The following PDCD11 variants were observed in gnomAD, a reference collection of about 807,000 sequenced individuals.
PDCD11 encodes programmed cell death 11, also known as protein RRP5 homolog.
PDCD11 carries 97 observed loss-of-function variants against 198.9 expected under a neutral mutation model. The observed-to-expected ratio is 0.49, with a 90% CI of 0.41 to 0.58. PDCD11 has a LOEUF of 0.58. PDCD11 is among the 20% of genes least tolerant of loss of function. PDCD11 has a pLI of 0.00. For synonymous variants in PDCD11, 893 were observed against 918.0 expected (o/e 0.97, Z 0.49); for missense variants, 2,102 against 2,312.7 (o/e 0.91, Z 1.87).
intron 31 of PDCD11, 24 bp from the exon 32 acceptor site, chr10:103,442,189 C>T (rs768595609): frequency 1.4e-5 from 22 of 1,611,796 alleles, no homozygotes; most frequent in African/African-American, 4.0e-5. Context: ...AGATGACTCA[C>T]GGTGTTTCTG....
At chr10:103,429,733 G>C (rs1418820065) in intron 21 of PDCD11, among the ~76,000 whole-genome samples, 1 of 152,064 alleles carries the variant, frequency 6.6e-6, no homozygotes, top group Non-Finnish European at 1.5e-5. Context: ...ATGTTATACA[G>C]CAAATCTCTA....
rs566312160 is a variant in PDCD11, at chr10:103,439,099, G to A, written c.4025+291G>A. Among the ~76,000 whole-genome samples the A allele has an allele frequency of 7.2e-5, 11 of 152,290 alleles. No individual in the cohort carries two copies. The South Asian group carries it at 2.3e-3, about 32-fold the overall frequency. ...TGCCTGGAATCCTAGCGCTTTGAGA[G>A]GCCGAGATGAGAGAATTGCTTTGAA... On this transcript the variant is annotated intron_variant, in intron 27 of 35. Transcript: ENST00000369797.
chr10:103,440,362 T>C lies in PDCD11; in HGVS notation c.4221T>C (p.Ser1407=). 1 of 1,614,210 alleles carries C rather than the reference T, an allele frequency of 6.2e-7. No individual in the cohort carries two copies. The highest frequency in any genetic ancestry group is 8.5e-7 in the Non-Finnish European group (1 of 1,180,028). Residue 1407 remains serine, a synonymous_variant, in exon 29 of 36, where the codon TCT becomes TCC. Coordinates refer to ENST00000369797, the MANE Select transcript of PDCD11 (RefSeq NM_014976.2). ...ACACTGGGAAGCCAGACGTGCTTTC[T>C]GCTTCCTTGGAAGGGCAACTTACAA... ...PGDTGKPDVL[S]ASLEGQLTKQ... is the part of the protein sequence containing the mutation.
At chr10:103,400,311 G>A in intron 2 of PDCD11, 86 bp from the exon 3 acceptor site, 1 of 1,239,532 alleles carries the variant, frequency 8.1e-7, no homozygotes, top group Non-Finnish European at 1.1e-6. Flanking sequence ...ACAAAGCAAG[G>A]TGAGTGATGA....
intron 8 of PDCD11, among the ~76,000 whole-genome samples, chr10:103,412,602 T>G (rs2030867358): frequency 6.6e-6 from 1 of 152,186 alleles, no homozygotes; most frequent in Non-Finnish European, 1.5e-5. Flanking sequence ...GCTGGGATTA[T>G]AGGCATCAGC....
chr10:103,420,459 C>T (rs565264323), intron 16 of PDCD11, among the ~76,000 whole-genome samples: 13 of 152,246 alleles, frequency 8.5e-5, no homozygotes, highest in African/African-American at 2.4e-4. Context: ...GAGTCCTGCA[C>T]TTTCAGATGG....
rs184190454 is a variant in PDCD11 at position 103,416,748 on chromosome 10, C to G, written c.1770+6C>G. ...GAGTTTTTTACACTGGCCAGGTAAC[C>G]CTTCCCCTAGACAGGTCCCCTTTAC... On this transcript the variant is annotated splice_donor_region_variant and intron_variant, in intron 13 of 35. Coordinates refer to ENST00000369797, the MANE Select transcript of PDCD11 (RefSeq NM_014976.2). 940 of 1,612,564 alleles carry G rather than the reference C, an allele frequency of 5.8e-4. 6 individuals are homozygous for G. Among genetic ancestry groups the G allele is most frequent in the Non-Finnish European group, 1.7e-4 (203 of 1,179,116 alleles).
intron 33 of PDCD11, 48 bp from the exon 34 acceptor site, chr10:103,443,867 C>T: frequency 6.3e-7 from 1 of 1,589,528 alleles, no homozygotes; most frequent in Non-Finnish European, 8.6e-7. Flanking sequence ...TGTCTTGTCC[C>T]CTCTGTAGTA....
chr10:103,431,891 A>G (rs897318493), intron 21 of PDCD11, among the ~76,000 whole-genome samples: 9 of 152,254 alleles, frequency 5.9e-5, no homozygotes, highest in African/African-American at 1.4e-4. Flanking sequence ...TATAAAGCCT[A>G]TTGTGGGCTA....
At chr10:103,408,132 C>T (rs1170376537) in intron 7 of PDCD11, among the ~76,000 whole-genome samples, 1 of 152,040 alleles carries the variant, frequency 6.6e-6, no homozygotes, top group African/African-American at 2.4e-5. Context: ...ACTTATTTTC[C>T]ACTTATTACA....
At position 103,440,730 on chromosome 10, in the gene PDCD11, T is replaced by G. The variant is rs767209414; in HGVS notation, c.4441-4T>G. The G allele has an allele frequency of 6.2e-7, 1 of 1,614,072 alleles. No homozygotes were observed. The highest frequency in any genetic ancestry group is 8.5e-7 in the Non-Finnish European group (1 of 1,180,016). ...CCTAGGCATTCTCCCACCTGGCCTC[T>G]CAGGAAAGAGTGAGCAAGAAGCCAA... is the stretch of plus-strand genomic sequence containing the variant. On this transcript the variant is annotated splice_region_variant and splice_polypyrimidine_tract_variant and intron_variant, in intron 29 of 35. Coordinates refer to ENST00000369797, the MANE Select transcript of PDCD11 (RefSeq NM_014976.2).
chr10:103,398,770 G>A (rs1266970161), intron 2 of PDCD11, among the ~76,000 whole-genome samples: 4 of 152,210 alleles, frequency 2.6e-5, no homozygotes, highest in Non-Finnish European at 4.4e-5. Flanking sequence ...TGTAATCCCA[G>A]CAGTTTGGGA....
At chr10:103,426,389 A>G (rs2031695335) in intron 20 of PDCD11, among the ~76,000 whole-genome samples, 1 of 152,238 alleles carries the variant, frequency 6.6e-6, no homozygotes, top group Admixed American at 6.5e-5. Context: ...TGGGGTCTTC[A>G]GTAAGTCAAT....
Position 103,413,157 on chromosome 10 carries a change from T to G in PDCD11, c.1020T>G (p.Val340=). ...CILCVHPRTR[V]VHLSLRPIFL... ...TTTGCGTCCATCCTCGAACCAGAGT[T>G]GTGCACCTGAGCCTGCGCCCCATCT... The change falls in exon 9 of 36, where the codon GTT becomes GTG. Residue 340 remains valine, a synonymous_variant. Transcript: ENST00000369797. The G allele has an allele frequency of 6.2e-7, 1 of 1,614,192 alleles. No homozygotes were observed. The highest frequency in any genetic ancestry group is 1.1e-5 in the South Asian group (1 of 91,070).
At chr10:103,441,169 G>A (rs1329605776) in intron 30 of PDCD11, among the ~76,000 whole-genome samples, 6 of 152,196 alleles carry the variant, frequency 3.9e-5, no homozygotes, top group African/African-American at 1.4e-4. Context: ...TGAGAGGACC[G>A]GGTATGGGAT....
At position 103,400,503 on chromosome 10, in the gene PDCD11, A is replaced by G. The variant is rs759489709; in HGVS notation, c.209A>G (p.Glu70Gly). ...EKRESSKSAREKFEILSVESL... is the reference protein window; with the variant it reads ...EKRESSKSARGKFEILSVESL... ...AGAGAAAGCAGCAAGTCCGCAAGAG[A>G]GAAGTTTGAAATCCTTAGTGTTGAG... The change falls in exon 3 of 36, where the codon GAG (glutamate) becomes GGG (glycine). Residue 70 changes from glutamate to glycine, a missense_variant. Glu to Gly is a moderately conservative substitution (Grantham distance 98, BLOSUM62 -2). Transcript: ENST00000369797. The G allele has an allele frequency of 6.8e-6, 11 of 1,613,886 alleles. No individual in the cohort carries two copies. Among genetic ancestry groups the G allele is most frequent in the Non-Finnish European group, 9.3e-6 (11 of 1,179,982 alleles).
intron 34 of PDCD11, 175 bp from the exon 35 acceptor site, chr10:103,444,342 C>T (rs2032510773): frequency 6.1e-6 from 4 of 653,192 alleles, no homozygotes; most frequent in South Asian, 5.6e-5. Context: ...TCTGCAGTGC[C>T]CATCTGTGTA....
chr10:103,443,394 G>A, intron 33 of PDCD11, 61 bp downstream of exon 33: 5 of 1,478,480 alleles, frequency 3.4e-6, no homozygotes, highest in Non-Finnish European at 4.6e-6. Flanking sequence ...TCAGAGAAGA[G>A]CCCCTGGGGT....
intron 32 of PDCD11, 87 bp from the exon 33 acceptor site, chr10:103,443,078 G>A (rs907424638): frequency 2.4e-5 from 29 of 1,186,084 alleles, no homozygotes; most frequent in East Asian, 1.2e-4. Flanking sequence ...AGGCTGGGAG[G>A]GGGAGGTGGT....
Sources: gnomAD v4.1 joint callset for allele counts (sites outside exome capture counted in the v4.1 genomes callset) on GRCh38, gnomAD v4.1.1 for gene constraint, MANE v1.5 for transcripts, NCBI Gene and HGNC (gene_info 2026-07-23, HGNC 2026-07-21) for gene names.